CHD1L: variants seen among roughly 807,000 people sequenced by gnomAD.
CHD1L encodes chromodomain helicase DNA binding protein 1 like.
CHD1L carries 118 observed loss-of-function variants against 115.9 expected under a neutral mutation model. That is an observed-to-expected ratio of 1.02 (90% CI 0.88 to 1.19). The LOEUF is 1.19. Ranked by LOEUF, CHD1L falls within the 50% of genes most tolerant of loss-of-function variation. The probability of loss-of-function intolerance (pLI) is 0.00; values close to 1 mark genes in which losing one functional copy is unlikely to be tolerated. For missense variants in CHD1L, 1,179 were observed against 1,065.3 expected, an observed-to-expected ratio of 1.11 and a Z score of -1.49; for synonymous variants, 411 against 387.1, an observed-to-expected ratio of 1.06 and a Z score of -0.72.
the CHD1L span, among the ~76,000 whole-genome samples, chr1:147,187,829 T>C: frequency 6.6e-6 from 1 of 152,182 alleles, no homozygotes; most frequent in Non-Finnish European, 1.5e-5. Flanking sequence ...AAGGGCTTTT[T>C]AAAGGGGAAA....
At chr1:147,291,819 C>A (rs1553970827) in intron 20 of CHD1L, among the ~76,000 whole-genome samples, 2 of 152,134 alleles carry the variant, frequency 1.3e-5, no homozygotes, top group South Asian at 2.1e-4. Flanking sequence ...TCTTGCTGTG[C>A]ATGCACAACC....
chr1:147,182,766 A>G, the CHD1L span, among the ~76,000 whole-genome samples: 2 of 152,324 alleles, frequency 1.3e-5, no homozygotes, highest in East Asian at 3.9e-4. Context: ...CAGTGAAATG[A>G]GGGTCAAGGA....
At chr1:147,223,830 A>G in the CHD1L span, 1 of 301,710 alleles carries the variant, frequency 3.3e-6, no homozygotes. Flanking sequence ...CCAAACAGCT[A>G]CTGACTGCTT....
At chr1:147,286,072 T>G (rs1220288883) in intron 17 of CHD1L, among the ~76,000 whole-genome samples, 1 of 152,196 alleles carries the variant, frequency 6.6e-6, no homozygotes, top group South Asian at 2.1e-4. Flanking sequence ...CTTTTAGTCT[T>G]AAAAACAGGA....
chr1:147,234,200 C>G, the CHD1L span, among the ~76,000 whole-genome samples: 1 of 152,356 alleles, frequency 6.6e-6, no homozygotes, highest in South Asian at 2.1e-4. Context: ...TACCAATAAA[C>G]AGCGTGGGCT....
chr1:147,212,361 A>C, the CHD1L span: 676 of 1,611,578 alleles, frequency 4.2e-4, 12 homozygotes, highest in East Asian at 0.014. Context: ...GCTAGAGTTA[A>C]GCAACGTAAA....
At chr1:147,175,609 T>G in the CHD1L span, 3 of 151,618 alleles carry the variant, frequency 2.0e-5, no homozygotes, top group African/African-American at 4.9e-5. Flanking sequence ...AAGATGAGCT[T>G]GCTTCCCTTC....
At chr1:147,208,324 TG>T in the CHD1L span, 1 of 152,506 alleles carries the variant, frequency 6.6e-6, no homozygotes, top group African/African-American at 2.4e-5. Flanking sequence ...AAAGGGTTAC[TG>T]CCAAAGAGAA....
the CHD1L span, among the ~76,000 whole-genome samples, chr1:147,194,085 CT>C: frequency 6.6e-6 from 1 of 152,110 alleles, no homozygotes. Context: ...TCTCGTTGAT[CT>C]GTCTAATGTT....
the CHD1L span, among the ~76,000 whole-genome samples, chr1:147,220,138 A>G: frequency 6.6e-6 from 1 of 152,114 alleles, no homozygotes; most frequent in African/African-American, 2.4e-5. Context: ...GCACCCAGTC[A>G]TTTGCTTTTT....
the CHD1L span, chr1:147,225,760 C>T: frequency 6.6e-6 from 1 of 152,208 alleles, no homozygotes; most frequent in Admixed American, 6.5e-5. Context: ...CAGATTGTAG[C>T]AGGATGAGCC....
At chr1:147,209,190 C>T in the CHD1L span, 7 of 578,142 alleles carry the variant, frequency 1.2e-5, no homozygotes, top group Non-Finnish European at 2.1e-5. Context: ...GAGGCCAAGG[C>T]GGGCGGATCA....
the CHD1L span, chr1:147,186,221 G>T: frequency 1.6e-6 from 1 of 618,412 alleles, no homozygotes; most frequent in Non-Finnish European, 2.0e-6. Flanking sequence ...GATCTCATTG[G>T]CAGATGGTAG....
At chr1:147,269,367 C>T (rs936723371) in intron 10 of CHD1L, among the ~76,000 whole-genome samples, 11 of 152,124 alleles carry the variant, frequency 7.2e-5, no homozygotes, top group Middle Eastern at 3.4e-3. Context: ...ACATGAGTTG[C>T]GCATTAGAAG....
the CHD1L span, chr1:147,190,041 A>G: frequency 1.7e-4 from 97 of 582,748 alleles, no homozygotes; most frequent in African/African-American, 1.8e-3. Flanking sequence ...ATTGTCACAA[A>G]TTATTTTTCC....
At chr1:147,250,603 A>G (rs909269728) in intron 1 of CHD1L, among the ~76,000 whole-genome samples, 4 of 152,130 alleles carry the variant, frequency 2.6e-5, no homozygotes, top group Non-Finnish European at 5.9e-5. Context: ...CCAGCTCCCT[A>G]CTTGGCCTTC....
intron 14 of CHD1L, among the ~76,000 whole-genome samples, chr1:147,278,349 T>C (rs1438710130): frequency 1.4e-5 from 2 of 146,230 alleles, no homozygotes; most frequent in South Asian, 2.3e-4. Flanking sequence ...CTCAGCCTCC[T>C]GAGTAGCTGG....
At position 147,255,872 on chromosome 1, in the gene CHD1L, TTCAGCAAGACCTGAAACA is replaced by T. The variant is rs782648384; in HGVS notation, c.408_425del (p.Gln137_Gln142del). ...GGCGACAAGGAGGAAAGAGCCTGCC[TTCAGCAAGACCTGAAACA>T]GGAGTCACGTTTTCATGTGCTACTG... is the stretch of plus-strand genomic sequence containing the variant. On this transcript the variant is annotated inframe_deletion, in exon 4 of 23. Coordinates refer to ENST00000369258, the MANE Select transcript of CHD1L (RefSeq NM_004284.6). 6.2e-7 allele frequency: 1 copy of T among 1,613,960 alleles called. No individual in the cohort carries two copies. Among genetic ancestry groups the T allele is most frequent in the Non-Finnish European group, 8.5e-7 (1 of 1,179,880 alleles).
chr1:147,228,057 G>C, the CHD1L span, among the ~76,000 whole-genome samples: 1 of 150,414 alleles, frequency 6.6e-6, no homozygotes, highest in African/African-American at 2.4e-5. Context: ...TGTGCACAAC[G>C]TGCAGGTTAG....
Sources: allele counts gnomAD v4.1 joint callset (sites outside exome capture counted in the v4.1 genomes callset), GRCh38; gene constraint gnomAD v4.1.1; transcripts MANE v1.5; gene names NCBI Gene and HGNC (gene_info 2026-07-23, HGNC 2026-07-21).